The following CLSTN2 variants were observed in gnomAD, a reference collection of about 807,000 sequenced individuals.
The protein encoded by CLSTN2 is calsyntenin 2.
A neutral mutation model predicts 101.2 loss-of-function variants in CLSTN2; 48 were observed. That is an observed-to-expected ratio of 0.47 (90% CI 0.38 to 0.60). The LOEUF (loss-of-function observed/expected upper bound fraction) is 0.60. Among genes scored for constraint, CLSTN2 ranks in the 20% least tolerant of loss-of-function variants. The probability of loss-of-function intolerance (pLI) is 0.00; values close to 1 mark genes in which losing one functional copy is unlikely to be tolerated. For synonymous variants in CLSTN2, 481 were observed against 463.6 expected (o/e 1.04, Z -0.48); for missense variants, 1,160 against 1,238.2 (o/e 0.94, Z 0.95).
intron 2 of CLSTN2, among the ~76,000 whole-genome samples, chr3:140,179,918 A>G (rs925280349): frequency 1.5e-4 from 23 of 152,146 alleles, no homozygotes; most frequent in African/African-American, 5.3e-4. Context: ...AGGTTGTAAA[A>G]CATGTTAAAT....
intron 1 of CLSTN2, among the ~76,000 whole-genome samples, chr3:140,071,215 T>C (rs2008386738): frequency 6.6e-6 from 1 of 152,126 alleles, no homozygotes; most frequent in Admixed American, 6.5e-5. Context: ...ATAAACTATG[T>C]TGATATTTGG....
intron 9 of CLSTN2, among the ~76,000 whole-genome samples, chr3:140,545,030 G>A (rs1347259891): frequency 6.6e-6 from 1 of 152,086 alleles, no homozygotes; most frequent in Non-Finnish European, 1.5e-5. Flanking sequence ...TTATAAATAT[G>A]GGGATTGGAG....
At chr3:140,030,450 G>A (rs1057195221) in intron 1 of CLSTN2, among the ~76,000 whole-genome samples, 3 of 152,132 alleles carry the variant, frequency 2.0e-5, no homozygotes, top group African/African-American at 7.2e-5. Context: ...AGTGGGTAGG[G>A]GTGGGGGTGG....
chr3:140,459,666 G>A lies in CLSTN2; in HGVS notation c.1119G>A (p.Lys373=), dbSNP rs141967300. 6.3e-5 allele frequency: 102 copies of A among 1,614,138 alleles called. No individual in the cohort carries two copies. The highest frequency in any genetic ancestry group is 3.5e-4 in the Admixed American group (21 of 60,028). ...GAKVPDGIVP[K]NLTDQFTITM... ...AAGTCCCCGATGGGATTGTGCCCAA[G>A]AACCTGACCGATCAGTTCACCATCA... Residue 373 remains lysine, a synonymous_variant, in exon 7 of 17, where the codon AAG becomes AAA. Coordinates refer to ENST00000458420, the MANE Select transcript of CLSTN2 (RefSeq NM_022131.3).
chr3:140,138,719 G>A (rs1450616719), intron 1 of CLSTN2, among the ~76,000 whole-genome samples: 3 of 152,096 alleles, frequency 2.0e-5, no homozygotes, highest in Admixed American at 2.0e-4. Flanking sequence ...AAGTCAATAC[G>A]ACCTCTGAGG....
At chr3:140,477,407 C>G (rs948436546) in intron 8 of CLSTN2, among the ~76,000 whole-genome samples, 1 of 152,106 alleles carries the variant, frequency 6.6e-6, no homozygotes, top group Non-Finnish European at 1.5e-5. Context: ...CAAAGACAAA[C>G]AAGCCTTGTA....
chr3:140,140,855 G>A (rs1036920083), intron 1 of CLSTN2, among the ~76,000 whole-genome samples: 10 of 152,172 alleles, frequency 6.6e-5, no homozygotes, highest in African/African-American at 1.2e-4. Flanking sequence ...TTGAATTCCT[G>A]CTATATTCCC....
chr3:140,015,445 C>G (rs1231724221), intron 1 of CLSTN2, among the ~76,000 whole-genome samples: 1 of 152,110 alleles, frequency 6.6e-6, no homozygotes, highest in Non-Finnish European at 1.5e-5. Context: ...ATGAGGGTCA[C>G]AGGAGTAGGA....
At chr3:140,419,546 T>C (rs1451089701) in intron 4 of CLSTN2, among the ~76,000 whole-genome samples, 3 of 62,302 alleles carry the variant, frequency 4.8e-5, no homozygotes, top group Admixed American at 1.5e-4. Flanking sequence ...TATATACATA[T>C]ATACGTGTAC....
At chr3:140,485,669 C>T (rs1301253523) in intron 8 of CLSTN2, among the ~76,000 whole-genome samples, 1 of 152,156 alleles carries the variant, frequency 6.6e-6, no homozygotes, top group East Asian at 1.9e-4. Context: ...GCACCCCTCC[C>T]CCAGCCTCAC....
Position 139,991,432 on chromosome 3 carries a change from G to A in CLSTN2, c.109+55949G>A, listed in dbSNP as rs145289213. On this transcript the variant is annotated intron_variant, in intron 1 of 16. Transcript: ENST00000458420. ...ATTAGAAGTGCTCTTCCAAAAGTTA[G>A]AAGACAATAAGCTTCTCCTTATAGC... Among the ~76,000 whole-genome samples, 596 of 152,242 alleles carry A rather than the reference G, an allele frequency of 3.9e-3. 4 individuals carry two copies. Among genetic ancestry groups the A allele is most frequent in the African/African-American group, 0.013 (535 of 41,544 alleles).
intron 2 of CLSTN2, among the ~76,000 whole-genome samples, chr3:140,342,224 G>A (rs374434882): frequency 1.3e-5 from 2 of 152,036 alleles, no homozygotes; most frequent in African/African-American, 2.4e-5. Flanking sequence ...TCCAGGGACC[G>A]TCCTGTGTAT....
chr3:140,364,928 A>G (rs998160960), intron 2 of CLSTN2, among the ~76,000 whole-genome samples: 1 of 152,156 alleles, frequency 6.6e-6, no homozygotes, highest in Non-Finnish European at 1.5e-5. Context: ...TAATGGTCCA[A>G]AGCTGGGAGG....
At position 140,555,849 on chromosome 3, in the gene CLSTN2, G is replaced by A. The variant is rs925159619; in HGVS notation, c.1675-664G>A. On this transcript the variant is annotated intron_variant, in intron 10 of 16. Coordinates refer to ENST00000458420, the MANE Select transcript of CLSTN2 (RefSeq NM_022131.3). The stretch of plus-strand genomic sequence containing the variant: ...AAGTGACTCAGTGGGGAGAATCGCC[G>A]CTACATGGCCTTTGGCAAGTGTGGG... Among the ~76,000 whole-genome samples, 28 of 152,128 alleles carry A rather than the reference G, an allele frequency of 1.8e-4. 1 individual carries two copies. Among genetic ancestry groups the A allele is most frequent in the East Asian group, 5.8e-4 (3 of 5,198 alleles).
intron 2 of CLSTN2, among the ~76,000 whole-genome samples, chr3:140,225,434 G>A (rs974117480): frequency 1.3e-5 from 2 of 152,136 alleles, no homozygotes; most frequent in Non-Finnish European, 2.9e-5. Flanking sequence ...TATTGTTTTA[G>A]TGCAGCATAA....
chr3:140,297,878 A>G (rs1450180981), intron 2 of CLSTN2, among the ~76,000 whole-genome samples: 1 of 152,230 alleles, frequency 6.6e-6, no homozygotes, highest in Non-Finnish European at 1.5e-5. Context: ...ATGGGGTTTC[A>G]TCCTGATAAA....
chr3:140,434,719 G>T (rs976518308), intron 5 of CLSTN2, among the ~76,000 whole-genome samples: 3 of 152,160 alleles, frequency 2.0e-5, no homozygotes, highest in East Asian at 1.9e-4. Flanking sequence ...ACGCCTCCAG[G>T]GCATTTCCGT....
At chr3:140,103,836 G>A (rs2009007789) in intron 1 of CLSTN2, among the ~76,000 whole-genome samples, 1 of 152,186 alleles carries the variant, frequency 6.6e-6, no homozygotes, top group Admixed American at 6.5e-5. Flanking sequence ...ACTAAATGGG[G>A]AGAAAAGATA....
intron 1 of CLSTN2, among the ~76,000 whole-genome samples, chr3:140,144,299 C>T (rs780247478): frequency 1.3e-5 from 2 of 152,112 alleles, no homozygotes; most frequent in African/African-American, 2.4e-5. Flanking sequence ...CAGACTTATT[C>T]TGATTACATT....
Sources: allele counts gnomAD v4.1 joint callset (sites outside exome capture counted in the v4.1 genomes callset), GRCh38; gene constraint gnomAD v4.1.1; transcripts MANE v1.5; gene names NCBI Gene and HGNC (gene_info 2026-07-23, HGNC 2026-07-21).